ADAMTSL1: variants seen among roughly 807,000 people sequenced by gnomAD.
ADAMTSL1 encodes ADAMTS-like protein 1.
In ADAMTSL1, 126 loss-of-function variants were observed where a neutral mutation model predicts 201.8. That is an observed-to-expected ratio of 0.62 (90% CI 0.54 to 0.72). The LOEUF (loss-of-function observed/expected upper bound fraction) is 0.72, where lower values mean the gene tolerates loss of function less well. ADAMTSL1 is among the 30% of genes least tolerant of loss of function. ADAMTSL1 has a pLI of 0.00. For missense variants in ADAMTSL1, 2,679 were observed against 2,277.8 expected, an observed-to-expected ratio of 1.18 and a Z score of -3.59; for synonymous variants, 1,121 against 903.4, an observed-to-expected ratio of 1.24 and a Z score of -4.32.
chr9:18,889,760 G>C lies in ADAMTSL1; in HGVS notation c.4643+12G>C, dbSNP rs80314048. On this transcript the variant is annotated intron_variant, in intron 25 of 28. Transcript: ENST00000380548. ...GACTGCCCTTCTCGGTGAGTGCAGC[G>C]GACACTGGCTCAGACCTCCCCACCC... 8.1e-6 allele frequency: 12 copies of C among 1,472,776 alleles called. No homozygotes were observed. The East Asian group carries it at 3.0e-4, about 37-fold the overall frequency. The allele number at this position is 1,472,776 out of a possible 1,614,324, so 91.2% of individuals were successfully genotyped here. A position where few individuals can be genotyped will look rare whatever the true frequency, so the allele number is the denominator to read the frequency against.
At chr9:18,020,718 A>G (rs1820446562) in intron 1 of ADAMTSL1, among the ~76,000 whole-genome samples, 1 of 151,980 alleles carries the variant, frequency 6.6e-6, no homozygotes, top group South Asian at 2.1e-4. Flanking sequence ...AAACCATATC[A>G]CCCGGGTTCC....
At chr9:18,118,983 G>T (rs976617093) in intron 1 of ADAMTSL1, among the ~76,000 whole-genome samples, 1 of 152,240 alleles carries the variant, frequency 6.6e-6, no homozygotes, top group African/African-American at 2.4e-5. Context: ...AGTACAGAGA[G>T]GTTGAGAGCA....
At chr9:18,840,336 A>C (rs1351328612) in intron 23 of ADAMTSL1, among the ~76,000 whole-genome samples, 1 of 152,196 alleles carries the variant, frequency 6.6e-6, no homozygotes, top group Admixed American at 6.5e-5. Context: ...GTCAAAGATC[A>C]GATAGTTGTA....
intron 23 of ADAMTSL1, among the ~76,000 whole-genome samples, chr9:18,843,487 T>G (rs536834691): frequency 6.6e-6 from 1 of 150,938 alleles, no homozygotes; most frequent in East Asian, 1.9e-4. Flanking sequence ...TCATTTCAAC[T>G]TTGGTGAATC....
At chr9:18,616,684 A>G (rs534729219) in intron 4 of ADAMTSL1, among the ~76,000 whole-genome samples, 1 of 152,016 alleles carries the variant, frequency 6.6e-6, no homozygotes, top group African/African-American at 2.4e-5. Flanking sequence ...CCCCCACCAC[A>G]TCTAGCAACT....
intron 19 of ADAMTSL1, among the ~76,000 whole-genome samples, chr9:18,792,076 C>CAA (rs372062110): frequency 2.7e-5 from 4 of 147,026 alleles, no homozygotes; most frequent in African/African-American, 1.0e-4. Context: ...TAGTTGTATG[C>CAA]AAAAAAAAAA....
At chr9:18,270,081 G>T (rs1232883541) in intron 2 of ADAMTSL1, among the ~76,000 whole-genome samples, 1 of 152,014 alleles carries the variant, frequency 6.6e-6, no homozygotes, top group Non-Finnish European at 1.5e-5. Flanking sequence ...ATTGATTGGG[G>T]AGCTTCTAAA....
At chr9:18,150,623 C>T (rs1826866837) in intron 1 of ADAMTSL1, among the ~76,000 whole-genome samples, 1 of 151,896 alleles carries the variant, frequency 6.6e-6, no homozygotes, top group Non-Finnish European at 1.5e-5. Flanking sequence ...CTTGCTCTTG[C>T]TCTCTCTGTC....
At chr9:17,918,754 C>T (rs1826196930) in intron 1 of ADAMTSL1, among the ~76,000 whole-genome samples, 1 of 151,716 alleles carries the variant, frequency 6.6e-6, no homozygotes, top group African/African-American at 2.4e-5. Context: ...CTTATTGTAT[C>T]AATTATTGAG....
intron 2 of ADAMTSL1, among the ~76,000 whole-genome samples, chr9:18,511,584 A>C (rs1440616260): frequency 2.0e-5 from 3 of 152,168 alleles, no homozygotes; most frequent in Non-Finnish European, 4.4e-5. Flanking sequence ...ACATAAATAC[A>C]GAAAAAGTAA....
intron 1 of ADAMTSL1, among the ~76,000 whole-genome samples, chr9:18,037,835 AG>A (rs1456277871): frequency 6.6e-6 from 1 of 152,214 alleles, no homozygotes; most frequent in Non-Finnish European, 1.5e-5. Flanking sequence ...TAGCATCTGA[AG>A]ATTTATTACA....
At chr9:18,361,699 G>C (rs1173084859) in intron 2 of ADAMTSL1, among the ~76,000 whole-genome samples, 1 of 152,164 alleles carries the variant, frequency 6.6e-6, no homozygotes. Context: ...TTTTCATGCA[G>C]AGAAAGACTC....
At chr9:18,766,434 A>T (rs966209920) in intron 16 of ADAMTSL1, among the ~76,000 whole-genome samples, 3 of 152,186 alleles carry the variant, frequency 2.0e-5, no homozygotes, top group Admixed American at 2.0e-4. Context: ...TGTAGAGAAG[A>T]CAATATGGGG....
At chr9:18,779,263 T>C (rs968456125) in intron 19 of ADAMTSL1, among the ~76,000 whole-genome samples, 26 of 152,226 alleles carry the variant, frequency 1.7e-4, no homozygotes, top group Admixed American at 1.4e-3. Context: ...TGAATAGATA[T>C]ATAATAACTT....
At chr9:18,186,121 G>C (rs915183433) in intron 2 of ADAMTSL1, among the ~76,000 whole-genome samples, 1 of 152,106 alleles carries the variant, frequency 6.6e-6, no homozygotes, top group Non-Finnish European at 1.5e-5. Context: ...GGACAACCTG[G>C]CCTCTGCTTC....
At chr9:17,962,984 G>C (rs1354679491) in intron 1 of ADAMTSL1, among the ~76,000 whole-genome samples, 1 of 152,242 alleles carries the variant, frequency 6.6e-6, no homozygotes, top group Non-Finnish European at 1.5e-5. Flanking sequence ...GGGGCCAGGA[G>C]ATAGGATTCC....
At chr9:17,958,354 T>G (rs1828007883) in intron 1 of ADAMTSL1, among the ~76,000 whole-genome samples, 1 of 152,172 alleles carries the variant, frequency 6.6e-6, no homozygotes. Context: ...AGAAGCAACT[T>G]GTAGAAACAT....
chr9:18,735,748 C>CTTTTCTTTTCTTTTTTT (rs762386875), intron 15 of ADAMTSL1, among the ~76,000 whole-genome samples: 36 of 106,670 alleles, frequency 3.4e-4, no homozygotes, highest in East Asian at 7.3e-4. Flanking sequence ...ATTCTTTTTT[C>CTTTTCTTTTCTTTTTTT]TTTTTTTTTT....
chr9:18,211,808 T>C lies in ADAMTSL1; in HGVS notation c.207+47827T>C, dbSNP rs184036728. On this transcript the variant is annotated intron_variant, in intron 2 of 29. Transcript: ENST00000680146. ...TACAAGTATTGCTTCAAATGTTCCATTGAAAATCAGATAGTGAAACTTACA... is the reference window on the plus strand; with the variant it reads ...TACAAGTATTGCTTCAAATGTTCCACTGAAAATCAGATAGTGAAACTTACA... Among the ~76,000 whole-genome samples, 328 of 152,330 alleles carry C rather than the reference T, an allele frequency of 2.2e-3. 1 individual carries two copies. The highest frequency in any genetic ancestry group is 2.9e-3 in the Non-Finnish European group (196 of 68,022).
Sources: allele counts gnomAD v4.1 joint callset (sites outside exome capture counted in the v4.1 genomes callset), GRCh38; gene constraint gnomAD v4.1.1; transcripts MANE v1.5; gene names NCBI Gene and HGNC (gene_info 2026-07-23, HGNC 2026-07-21).